The following RFC1 variants were observed in gnomAD, a reference collection of about 807,000 sequenced individuals.
RFC1 encodes A1 140 kDa subunit.
RFC1 carries 37 observed loss-of-function variants against 137.4 expected under a neutral mutation model. That is an observed-to-expected ratio of 0.27 (90% confidence interval 0.21 to 0.35). RFC1 has a LOEUF of 0.35. Ranked by LOEUF, RFC1 falls within the 10% of genes least tolerant of loss-of-function variation. The probability of loss-of-function intolerance (pLI) is 1.00; values close to 1 mark genes in which losing one functional copy is unlikely to be tolerated. For synonymous variants in RFC1, 429 were observed against 455.7 expected, an observed-to-expected ratio of 0.94 and a Z score of 0.75; for missense variants, 1,205 against 1,358.5, an observed-to-expected ratio of 0.89 and a Z score of 1.78.
At chr4:39,352,136 T>C (rs188250650) in intron 1 of RFC1, among the ~76,000 whole-genome samples, 147 of 152,208 alleles carry the variant, frequency 9.7e-4, no homozygotes, top group African/African-American at 3.3e-3. Context: ...CACATACACA[T>C]ACACATCCCA....
At chr4:39,292,615 A>ATTATTTATTTATTTAT (rs58733449) in intron 22 of RFC1, among the ~76,000 whole-genome samples, 2 of 143,980 alleles carry the variant, frequency 1.4e-5, no homozygotes, top group Non-Finnish European at 1.5e-5. Context: ...ATATGTATAC[A>ATTATTTATTTATTTAT]TTATTTATTT....
chr4:39,326,727 C>A, intron 5 of RFC1, 87 bp from the exon 6 acceptor site: 1 of 969,800 alleles, frequency 1.0e-6, no homozygotes, highest in Non-Finnish European at 1.6e-6. Flanking sequence ...TGATTAAATA[C>A]ACCAGTGAGA....
chr4:39,317,429 G>GTGTTAATC (rs1255310757), intron 9 of RFC1, among the ~76,000 whole-genome samples: 1 of 152,150 alleles, frequency 6.6e-6, no homozygotes, highest in Non-Finnish European at 1.5e-5. Flanking sequence ...AAGATATTCT[G>GTGTTAATC]TGTTAATCCT....
intron 6 of RFC1, among the ~76,000 whole-genome samples, chr4:39,326,304 G>A (rs997064334): frequency 6.6e-6 from 1 of 152,182 alleles, no homozygotes; most frequent in African/African-American, 2.4e-5. Context: ...GACCTATCAT[G>A]ACCTACAGGA....
At chr4:39,351,541 T>G in intron 1 of RFC1, 65 bp from the exon 2 acceptor site, 1 of 1,388,828 alleles carries the variant, frequency 7.2e-7, no homozygotes, top group Non-Finnish European at 9.6e-7. Flanking sequence ...ACTTCAATTG[T>G]AAGATGGGAC....
At chr4:39,365,360 GA>G (rs1741974251) in intron 1 of RFC1, 1 of 632,100 alleles carries the variant, frequency 1.6e-6, no homozygotes, top group Non-Finnish European at 2.0e-6. Flanking sequence ...ACCAATGATT[GA>G]AAAAAATTAT....
chr4:39,336,632 G>A lies in RFC1; in HGVS notation c.331+5713C>T, dbSNP rs369779525. 2.0e-5 allele frequency among the ~76,000 whole-genome samples: 3 copies of A among 152,376 alleles called. No individual in the cohort carries two copies. In the East Asian group the frequency reaches 5.8e-4, roughly 29 times the overall value. On this transcript the variant is annotated intron_variant, in intron 4 of 24. Coordinates refer to ENST00000349703, the MANE Select transcript of RFC1 (RefSeq NM_002913.5). ...TCCTGTGCATTGCGGGATGCTTAGTGGCATGCCTGGCCTCTGCCACTTACA... is the reference window on the plus strand; with the variant it reads ...TCCTGTGCATTGCGGGATGCTTAGTAGCATGCCTGGCCTCTGCCACTTACA...
In RFC1 at chr4:39,301,546, T is replaced by C. The variant is rs75149064; in HGVS notation, c.2535+732A>G. ...GCGTGTGAGGGGGACATGAAGTATG[T>C]GAGAACTCTCTGTACCTTCCACTCC... On this transcript the variant is annotated intron_variant, in intron 19 of 24. Transcript: ENST00000349703. Among the ~76,000 whole-genome samples the C allele has an allele frequency of 8.7e-4, 133 of 152,276 alleles. 3 individuals carry two copies. In the East Asian group the frequency reaches 0.023, roughly 27 times the overall value.
intron 1 of RFC1, chr4:39,365,510 T>C (rs1741980335): frequency 1.0e-6 from 1 of 985,118 alleles, no homozygotes; most frequent in African/African-American, 1.7e-5. Context: ...CACTTTCAAT[T>C]TGTTTGAACA....
chr4:39,353,314 C>T (rs1049495162), intron 1 of RFC1, among the ~76,000 whole-genome samples: 19 of 134,044 alleles, frequency 1.4e-4, no homozygotes, highest in African/African-American at 5.2e-4. Flanking sequence ...GCACGAGAAT[C>T]GCTTGAACCT....
At chr4:39,306,493 C>T in intron 14 of RFC1, 99 bp downstream of exon 14, 1 of 660,598 alleles carries the variant, frequency 1.5e-6, no homozygotes, top group Non-Finnish European at 2.7e-6. Context: ...AGACACCACA[C>T]ACACACATGC....
At chr4:39,362,905 A>G (rs979140038) in intron 1 of RFC1, among the ~76,000 whole-genome samples, 1 of 152,268 alleles carries the variant, frequency 6.6e-6, no homozygotes, top group Non-Finnish European at 1.5e-5. Context: ...GTACATATGC[A>G]TGGCAAAAGC....
intron 4 of RFC1, among the ~76,000 whole-genome samples, chr4:39,332,470 C>T (rs1212279487): frequency 1.3e-5 from 2 of 152,196 alleles, no homozygotes; most frequent in Admixed American, 6.5e-5. Flanking sequence ...CTTTAGTCAA[C>T]TAGTCCTACC....
At chr4:39,355,593 G>A (rs1741433440) in intron 1 of RFC1, among the ~76,000 whole-genome samples, 1 of 152,192 alleles carries the variant, frequency 6.6e-6, no homozygotes, top group Admixed American at 6.5e-5. Context: ...CAAATAAGCA[G>A]ATAAGTTAAA....
intron 1 of RFC1, among the ~76,000 whole-genome samples, chr4:39,362,388 A>T (rs184550468): frequency 6.6e-6 from 1 of 152,344 alleles, no homozygotes; most frequent in East Asian, 1.9e-4. Context: ...CTGACTTCAA[A>T]AATTATGACA....
Position 39,288,791 on chromosome 4 carries a change from T to C in RFC1, c.3414A>G (p.Arg1138=). 1.9e-6 allele frequency: 3 copies of C among 1,612,506 alleles called. No homozygotes were observed. In the South Asian group the frequency reaches 3.3e-5, roughly 18 times the overall value. ...PSKPEKDKEP[R]KGKGKSSKK is the part of the protein sequence containing the mutation. ...TCTTCGAACTTTTTCCTTTTCCTTTTCTGGGCTCCTTATCTTTTTCTGGTT... is the reference window on the plus strand; with the variant it reads ...TCTTCGAACTTTTTCCTTTTCCTTTCCTGGGCTCCTTATCTTTTTCTGGTT... Residue 1138 remains arginine (R), a synonymous_variant, in exon 25 of 25, where the codon AGA becomes AGG. Transcript: ENST00000349703.
At position 39,302,885 on chromosome 4, in the gene RFC1, A is replaced by G. The variant is rs747494430; in HGVS notation, c.2203-11T>C. ...CAGGCCAATTAATTCCTGAAAGGCAAGTTTGCAACACAAAAATAATTATTT... is the reference window on the plus strand; with the variant it reads ...CAGGCCAATTAATTCCTGAAAGGCAGGTTTGCAACACAAAAATAATTATTT... On this transcript the variant is annotated splice_polypyrimidine_tract_variant and intron_variant, in intron 16 of 24. Coordinates refer to ENST00000349703, the MANE Select transcript of RFC1 (RefSeq NM_002913.5). The G allele has an allele frequency of 3.8e-6, 6 of 1,570,256 alleles. No individual in the cohort carries two copies. Among genetic ancestry groups the G allele is most frequent in the Non-Finnish European group, 5.2e-6 (6 of 1,159,748 alleles).
At chr4:39,294,795 G>T (rs1252993843) in intron 22 of RFC1, among the ~76,000 whole-genome samples, 2 of 152,344 alleles carry the variant, frequency 1.3e-5, no homozygotes, top group East Asian at 3.9e-4. Context: ...TTGAGGACAG[G>T]AGTTCAAGAC....
At chr4:39,290,326 T>C (rs758303856) in intron 23 of RFC1, among the ~76,000 whole-genome samples, 6 of 151,138 alleles carry the variant, frequency 4.0e-5, no homozygotes, top group Non-Finnish European at 7.4e-5. Context: ...TGAGCTGAGA[T>C]TGCGCCACTG....
Sources: gnomAD v4.1 joint callset for allele counts (sites outside exome capture counted in the v4.1 genomes callset) on GRCh38, gnomAD v4.1.1 for gene constraint, MANE v1.5 for transcripts, NCBI Gene and HGNC (gene_info 2026-07-23, HGNC 2026-07-21) for gene names.